Variants in CACNA1C observed in about 807,000 individuals in gnomAD.
CACNA1C encodes calcium voltage-gated channel subunit alpha1 C.
Under a neutral mutation model 229.0 loss-of-function variants are expected in CACNA1C, and 30 were observed. The observed-to-expected ratio is 0.13, with a 90% CI of 0.10 to 0.18. The LOEUF is 0.18. CACNA1C is among the 10% of genes least tolerant of loss of function. CACNA1C has a pLI of 1.00. For synonymous variants in CACNA1C, 1,114 were observed against 1,132.5 expected (o/e 0.98, Z 0.33); for missense variants, 1,658 against 2,845.0 (o/e 0.58, Z 9.49).
At chr12:2,535,704 TAAAAA>T (rs758857733) in intron 9 of CACNA1C, among the ~76,000 whole-genome samples, 24 of 36,560 alleles carry the variant, frequency 6.6e-4, no homozygotes, top group East Asian at 2.7e-3. Flanking sequence ...AGACCCTGTC[TAAAAA>T]AAAAAAAAAA....
Position 2,601,413 on chromosome 12 carries a change from A to C in CACNA1C, c.2854-441A>C, listed in dbSNP as rs2072144723. Among the ~76,000 whole-genome samples, 1 of 151,044 alleles carries C rather than the reference A, an allele frequency of 6.6e-6. No individual in the cohort carries two copies. Among genetic ancestry groups the C allele is most frequent in the East Asian group, 2.0e-4 (1 of 5,090 alleles). On this transcript the variant is annotated intron_variant, in intron 21 of 46. Transcript: ENST00000399655. The surrounding 1 kb of genome is among the most constrained non-coding windows in gnomAD (Gnocchi z 5.9). ...GCCCCCCAACCCACCCACTCACGGC[A>C]GATGTCTGGTGCTCTCAGCTGGCCT... is the stretch of plus-strand genomic sequence containing the variant.
intron 10 of CACNA1C, among the ~76,000 whole-genome samples, chr12:2,552,241 A>C (rs560737282): frequency 1.3e-5 from 2 of 152,362 alleles, no homozygotes; most frequent in African/African-American, 4.8e-5. Context: ...GGTGACACAC[A>C]ACAGGGAGGA....
At chr12:2,453,605 T>C (rs2099397912) in intron 4 of CACNA1C, among the ~76,000 whole-genome samples, 1 of 152,190 alleles carries the variant, frequency 6.6e-6, no homozygotes, top group African/African-American at 2.4e-5. Flanking sequence ...TCATCCCTCA[T>C]CACCCGGACT....
At chr12:2,316,053 C>A (rs1208564492) in intron 3 of CACNA1C, among the ~76,000 whole-genome samples, 1 of 152,232 alleles carries the variant, frequency 6.6e-6, no homozygotes, top group African/African-American at 2.4e-5. Context: ...TGCCAGAGGG[C>A]AGCACCTTCA....
intron 9 of CACNA1C, among the ~76,000 whole-genome samples, chr12:2,540,431 G>A (rs1203604215): frequency 3.9e-5 from 6 of 152,132 alleles, no homozygotes; most frequent in Non-Finnish European, 7.4e-5. Context: ...ATGCGAACTG[G>A]GCCTCTGAGA....
intron 3 of CACNA1C, among the ~76,000 whole-genome samples, chr12:2,122,780 G>A (rs1386449299): frequency 6.6e-6 from 1 of 152,172 alleles, no homozygotes; most frequent in Non-Finnish European, 1.5e-5. Flanking sequence ...CATCTCCAGT[G>A]CTAAGCCTTT....
intron 1 of CACNA1C, among the ~76,000 whole-genome samples, chr12:2,022,245 A>G (rs1227366768): frequency 6.6e-6 from 1 of 152,212 alleles, no homozygotes; most frequent in African/African-American, 2.4e-5. Flanking sequence ...CCTGCTGTGC[A>G]CACTGAGCTG....
At chr12:2,684,127 G>A (rs781457527) in intron 43 of CACNA1C, among the ~76,000 whole-genome samples, 2 of 152,206 alleles carry the variant, frequency 1.3e-5, no homozygotes, top group African/African-American at 4.8e-5. Context: ...ACAGCATGCG[G>A]CTTCCTGGGG....
intron 3 of CACNA1C, among the ~76,000 whole-genome samples, chr12:2,206,781 G>A (rs2097768049): frequency 1.3e-5 from 2 of 152,242 alleles, no homozygotes; most frequent in Admixed American, 6.5e-5. Flanking sequence ...ATTGTTGTGT[G>A]AAGGGTGGTG....
At chr12:2,599,818 G>A (rs75612614) in intron 21 of CACNA1C, among the ~76,000 whole-genome samples, 1 of 152,298 alleles carries the variant, frequency 6.6e-6, no homozygotes, top group Non-Finnish European at 1.5e-5. Context: ...TAAATGCTAC[G>A]TTTTCCCCAT....
At chr12:1,990,030 G>T (rs111448155) in intron 1 of CACNA1C, among the ~76,000 whole-genome samples, 4,167 of 152,202 alleles carry the variant, frequency 0.027, 96 homozygotes, top group Middle Eastern at 0.054. Flanking sequence ...TGATAAACTT[G>T]GCTCAAATGC....
At chr12:2,497,694 G>T (rs1187231542) in intron 7 of CACNA1C, among the ~76,000 whole-genome samples, 1 of 151,904 alleles carries the variant, frequency 6.6e-6, no homozygotes, top group East Asian at 1.9e-4. Flanking sequence ...TCCGTGATCA[G>T]TTCTTCGACT....
At chr12:2,612,943 A>C (rs1053060533) in intron 29 of CACNA1C, 1 of 152,244 alleles carries the variant, frequency 6.6e-6, no homozygotes, top group African/African-American at 2.4e-5. Context: ...ATGCAGTTAC[A>C]GACTTGAGAC....
intron 5 of CACNA1C, among the ~76,000 whole-genome samples, chr12:2,471,109 G>T (rs1281453958): frequency 1.3e-5 from 2 of 152,198 alleles, no homozygotes; most frequent in East Asian, 1.9e-4. Flanking sequence ...TAGGATTACA[G>T]TTGTGAGCCA....
At chr12:2,423,117 T>C (rs2098994927) in intron 3 of CACNA1C, among the ~76,000 whole-genome samples, 1 of 152,082 alleles carries the variant, frequency 6.6e-6, no homozygotes. Flanking sequence ...ACATCCGAGC[T>C]CCCTTCCAAC....
At chr12:2,047,725 C>T (rs1184708090) in intron 1 of CACNA1C, among the ~76,000 whole-genome samples, 1 of 152,174 alleles carries the variant, frequency 6.6e-6, no homozygotes, top group East Asian at 1.9e-4. Flanking sequence ...GGAAGTGGTA[C>T]CACCGTGAGT....
rs2097801641 is a variant in CACNA1C at position 2,692,748 on chromosome 12, A to ATGTT, written c.*1551_*1554dup. The ATGTT allele has an allele frequency of 6.6e-6, 1 of 152,648 alleles. No homozygotes were observed. The highest frequency in any genetic ancestry group is 1.5e-5 in the Non-Finnish European group (1 of 68,044). 9.5% of individuals were successfully genotyped at this position (152,648 alleles called of 1,614,324 possible). ...CGTGTAATGTTTTATTGCATTGATA[A>ATGTT]TGTTTCTGTTGAAGAAACCGTTATA... On this transcript the variant is annotated 3_prime_UTR_variant, in exon 47 of 47. Transcript: ENST00000399655.
intron 3 of CACNA1C, among the ~76,000 whole-genome samples, chr12:2,378,807 TTCCTTCCTTC>T (rs1567336513): frequency 7.2e-6 from 1 of 139,052 alleles, no homozygotes; most frequent in Non-Finnish European, 1.6e-5. Flanking sequence ...CCTTCCTTCC[TTCCTTCCTTC>T]CTCTCTCTCT....
intron 4 of CACNA1C, among the ~76,000 whole-genome samples, chr12:2,455,355 TATA>T (rs753589260): frequency 8.9e-6 from 1 of 112,306 alleles, no homozygotes; most frequent in East Asian, 2.5e-4. Context: ...TAATTATAAG[TATA>T]AAACATACAG....
Sources: allele counts gnomAD v4.1 joint callset (sites outside exome capture counted in the v4.1 genomes callset), GRCh38; gene constraint gnomAD v4.1.1; non-coding constraint Gnocchi (gnomAD v3.1); transcripts MANE v1.5; gene names NCBI Gene and HGNC (gene_info 2026-07-23, HGNC 2026-07-21).